The following CAMKMT variants were observed in gnomAD, a reference collection of about 807,000 sequenced individuals.
CAMKMT encodes the protein CaM KMT.
CAMKMT carries 53 observed loss-of-function variants against 48.0 expected under a neutral mutation model. That is an observed-to-expected ratio of 1.10 (90% confidence interval 0.89 to 1.39). The LOEUF (loss-of-function observed/expected upper bound fraction) is 1.39, where lower values mean the gene tolerates loss of function less well. CAMKMT is among the 40% of genes most tolerant of loss of function. The pLI, the probability that CAMKMT is intolerant of heterozygous loss-of-function variation, is 0.00. For synonymous variants in CAMKMT, 165 were observed against 152.3 expected, an observed-to-expected ratio of 1.08 and a Z score of -0.61; for missense variants, 428 against 402.7, an observed-to-expected ratio of 1.06 and a Z score of -0.54.
intron 3 of CAMKMT, among the ~76,000 whole-genome samples, chr2:44,577,539 A>C (rs1355766887): frequency 1.3e-5 from 2 of 151,728 alleles, no homozygotes; most frequent in Non-Finnish European, 2.9e-5. Flanking sequence ...GGATCATCTG[A>C]GTCTGAGAGG....
intron 3 of CAMKMT, among the ~76,000 whole-genome samples, chr2:44,589,188 C>T (rs1281957368): frequency 6.2e-5 from 3 of 48,258 alleles, no homozygotes; most frequent in African/African-American, 1.7e-4. Context: ...TGAGGGGCGC[C>T]TCTGCCCGGC....
intron 3 of CAMKMT, among the ~76,000 whole-genome samples, chr2:44,556,537 T>C (rs1668024680): frequency 4.5e-5 from 1 of 22,216 alleles, no homozygotes; most frequent in South Asian, 1.6e-3. Flanking sequence ...TGGCGCAATC[T>C]CGGCTCACTG....
Position 44,469,607 on chromosome 2 carries a change from C to G in CAMKMT, c.376+79302C>G, listed in dbSNP as rs556542735. On this transcript the variant is annotated intron_variant, in intron 3 of 10. Transcript: ENST00000378494. ...TTTATCTCATGTTTATAATTGCTTT[C>G]TTAATTTGTTTTCTTTCCAAATTTT... Among the ~76,000 whole-genome samples the G allele has an allele frequency of 1.2e-3, 186 of 152,002 alleles. 3 individuals carry two copies. Among genetic ancestry groups the G allele is most frequent in the African/African-American group, 4.3e-3 (179 of 41,504 alleles).
intron 3 of CAMKMT, among the ~76,000 whole-genome samples, chr2:44,599,289 GC>G (rs1670845692): frequency 6.6e-6 from 1 of 152,072 alleles, no homozygotes. Flanking sequence ...ATACCTGGCA[GC>G]TTTCAAAACT....
chr2:44,384,162 C>A (rs1309808818), intron 2 of CAMKMT, among the ~76,000 whole-genome samples: 1 of 152,128 alleles, frequency 6.6e-6, no homozygotes, highest in African/African-American at 2.4e-5. Context: ...TTGATTATAG[C>A]CATTCTTGCA....
intron 3 of CAMKMT, among the ~76,000 whole-genome samples, chr2:44,533,552 C>G (rs1666604186): frequency 2.0e-5 from 3 of 152,128 alleles, no homozygotes. Context: ...AATATTATAT[C>G]TGGCAAAATT....
chr2:44,514,527 C>T (rs940651417), intron 3 of CAMKMT, among the ~76,000 whole-genome samples: 4 of 152,078 alleles, frequency 2.6e-5, no homozygotes, highest in African/African-American at 9.7e-5. Context: ...GGTAGAAAGG[C>T]AAAAGAGGGA....
At chr2:44,685,502 C>T (rs1676287839) in intron 3 of CAMKMT, among the ~76,000 whole-genome samples, 1 of 152,190 alleles carries the variant, frequency 6.6e-6, no homozygotes, top group South Asian at 2.1e-4. Context: ...TCCTTTCCAA[C>T]TTGCTCTTGG....
At chr2:44,362,169 A>G in intron 1 of CAMKMT, 24 bp downstream of exon 1, 2 of 1,449,256 alleles carry the variant, frequency 1.4e-6, no homozygotes, top group Non-Finnish European at 1.8e-6. Flanking sequence ...TGCTCGCCTC[A>G]CCTTTGCCTC....
At chr2:44,567,287 T>G (rs151102466) in intron 3 of CAMKMT, among the ~76,000 whole-genome samples, 1 of 152,284 alleles carries the variant, frequency 6.6e-6, no homozygotes, top group East Asian at 1.9e-4. Context: ...ATGTGACATA[T>G]GCAACCCGAC....
At chr2:44,758,689 T>G (rs1026141927) in intron 9 of CAMKMT, among the ~76,000 whole-genome samples, 1 of 152,204 alleles carries the variant, frequency 6.6e-6, no homozygotes, top group Non-Finnish European at 1.5e-5. Context: ...GGTGAGTGGC[T>G]TGTTGTTGCT....
chr2:44,602,841 A>G (rs1671076669), intron 3 of CAMKMT, among the ~76,000 whole-genome samples: 1 of 152,030 alleles, frequency 6.6e-6, no homozygotes, highest in Non-Finnish European at 1.5e-5. Context: ...GGGGATTACA[A>G]TTCGACATGA....
Position 44,395,144 on chromosome 2 carries a change from T to C in CAMKMT, c.376+4839T>C, listed in dbSNP as rs1407522314. ...TTTTAGTTTTTCTGTTTCATTGTTG[T>C]TATGTTATAAAGTTAGGGTTTGGAA... is the stretch of plus-strand genomic sequence containing the variant. On this transcript the variant is annotated intron_variant, in intron 3 of 10. Transcript: ENST00000378494. 8.4e-6 allele frequency: 3 copies of C among 357,278 alleles called. No individual in the cohort carries two copies. The Admixed American group carries it at 1.1e-4, about 13-fold the overall frequency. The allele number at this position is 357,278 out of a possible 1,614,324, so 22.1% of individuals were successfully genotyped here. A position where few individuals can be genotyped will look rare whatever the true frequency, so the allele number is the denominator to read the frequency against.
chr2:44,579,404 A>C (rs567849130), intron 3 of CAMKMT, among the ~76,000 whole-genome samples: 5 of 152,304 alleles, frequency 3.3e-5, no homozygotes, highest in African/African-American at 1.2e-4. Context: ...TCAGCACCAA[A>C]CGCTTACCTG....
At chr2:44,713,588 T>G (rs1298773904) in intron 6 of CAMKMT, among the ~76,000 whole-genome samples, 3 of 152,284 alleles carry the variant, frequency 2.0e-5, no homozygotes, top group Admixed American at 2.0e-4. Context: ...GTCTCTTTTA[T>G]TTTTTTAATG....
intron 3 of CAMKMT, among the ~76,000 whole-genome samples, chr2:44,520,528 C>A (rs1671052182): frequency 6.6e-6 from 1 of 152,108 alleles, no homozygotes; most frequent in Non-Finnish European, 1.5e-5. Flanking sequence ...TAATTTCTTT[C>A]CCTATTAAGT....
intron 3 of CAMKMT, among the ~76,000 whole-genome samples, chr2:44,485,537 T>C (rs910147102): frequency 1.3e-5 from 2 of 152,048 alleles, no homozygotes; most frequent in Non-Finnish European, 2.9e-5. Context: ...CATCATAGAG[T>C]GTACTTACAC....
At chr2:44,570,740 C>T (rs866748918) in intron 3 of CAMKMT, among the ~76,000 whole-genome samples, 12 of 151,942 alleles carry the variant, frequency 7.9e-5, no homozygotes, top group Admixed American at 3.3e-4. Flanking sequence ...GAAAAGCAAA[C>T]GAATAAAAAA....
intron 3 of CAMKMT, among the ~76,000 whole-genome samples, chr2:44,521,175 A>G (rs1178089003): frequency 1.3e-5 from 2 of 152,126 alleles, no homozygotes; most frequent in African/African-American, 2.4e-5. Context: ...AATGGTATGG[A>G]TTTACGTTTA....
Sources: gnomAD v4.1 joint callset for allele counts (sites outside exome capture counted in the v4.1 genomes callset) on GRCh38, gnomAD v4.1.1 for gene constraint, MANE v1.5 for transcripts, NCBI Gene and HGNC (gene_info 2026-07-23, HGNC 2026-07-21) for gene names.